NMT1: variants seen among roughly 807,000 people sequenced by gnomAD.
NMT1 encodes the protein glycylpeptide N-tetradecanoyltransferase 1.
A neutral mutation model predicts 63.4 loss-of-function variants in NMT1; 12 were observed. The ratio of observed to expected loss-of-function variants is 0.19; its 90% CI spans 0.12 to 0.31. The LOEUF is 0.31. Ranked by LOEUF, NMT1 falls within the 10% of genes least tolerant of loss-of-function variation. NMT1 has a pLI of 1.00. For synonymous variants in NMT1, 228 were observed against 234.3 expected (o/e 0.97, Z 0.25); for missense variants, 432 against 634.6 (o/e 0.68, Z 3.43).
At chr17:45,072,461 C>T (rs1380056746) in intron 1 of NMT1, among the ~76,000 whole-genome samples, 6 of 151,210 alleles carry the variant, frequency 4.0e-5, no homozygotes, top group Non-Finnish European at 7.4e-5. Context: ...GATGGGGTTT[C>T]GCCATGTTGG....
At chr17:45,081,577 C>T in intron 1 of NMT1, 67 bp from the exon 2 acceptor site, 1 of 1,390,094 alleles carries the variant, frequency 7.2e-7, no homozygotes, top group Non-Finnish European at 1.0e-6. Context: ...ACAGAAAGCT[C>T]TTTGTCAGGG....
intron 4 of NMT1, among the ~76,000 whole-genome samples, chr17:45,094,480 G>A (rs535229412): frequency 4.0e-5 from 6 of 148,788 alleles, no homozygotes; most frequent in East Asian, 2.0e-4. Context: ...GTGACAGTGC[G>A]AGACTCTTTG....
intron 3 of NMT1, among the ~76,000 whole-genome samples, chr17:45,092,576 G>T (rs973584311): frequency 3.3e-5 from 5 of 151,742 alleles, no homozygotes; most frequent in African/African-American, 1.2e-4. Context: ...CCAGCGTGGT[G>T]GCGGACACCT....
chr17:45,097,363 G>A, intron 6 of NMT1, 119 bp downstream of exon 6: 1 of 813,596 alleles, frequency 1.2e-6, no homozygotes, highest in Non-Finnish European at 2.1e-6. Flanking sequence ...TCTCAGGAAG[G>A]GAGGATGCCC....
chr17:45,061,562 GT>G, intron 1 of NMT1, 102 bp downstream of exon 1: 11 of 995,254 alleles, frequency 1.1e-5, no homozygotes, highest in Non-Finnish European at 1.6e-5. Flanking sequence ...CCACCCTCAT[GT>G]TCTTATTGGC....
chr17:45,066,690 A>T (rs2053905114), intron 1 of NMT1, among the ~76,000 whole-genome samples: 1 of 152,076 alleles, frequency 6.6e-6, no homozygotes, highest in African/African-American at 2.4e-5. Context: ...TTTTCTATTT[A>T]AAAATTTTTT....
intron 1 of NMT1, among the ~76,000 whole-genome samples, chr17:45,080,201 C>G (rs2054006910): frequency 6.6e-6 from 1 of 150,970 alleles, no homozygotes; most frequent in African/African-American, 2.4e-5. Context: ...GCTCTTGTTT[C>G]CCAGGCTGGA....
chr17:45,080,624 G>A (rs1207415286), intron 1 of NMT1, among the ~76,000 whole-genome samples: 46 of 146,078 alleles, frequency 3.1e-4, no homozygotes, highest in African/African-American at 1.1e-3. Context: ...GCCCGCCACC[G>A]TGCCCGGCTA....
chr17:45,066,953 C>A (rs555018864), intron 1 of NMT1, among the ~76,000 whole-genome samples: 5 of 152,142 alleles, frequency 3.3e-5, no homozygotes, highest in African/African-American at 9.7e-5. Flanking sequence ...CTGCTGGCCT[C>A]AAGTGATGCT....
chr17:45,085,347 G>T (rs543999493), intron 2 of NMT1, among the ~76,000 whole-genome samples: 31 of 152,316 alleles, frequency 2.0e-4, no homozygotes, highest in African/African-American at 5.3e-4. Context: ...ATATACTGTG[G>T]TCCATACATA....
At position 45,105,491 on chromosome 17, in the gene NMT1, T is replaced by C; in HGVS notation, c.1471-128T>C. The C allele has an allele frequency of 1.0e-6, 1 of 979,362 alleles. No homozygotes were observed. The highest frequency in any genetic ancestry group is 1.6e-6 in the Non-Finnish European group (1 of 621,628). 60.7% of individuals were successfully genotyped at this position (979,362 alleles called of 1,614,324 possible). ...GGTTGAGTGTGGGGCCGGCTGGGTG[T>C]GAGTCTGCTCCCACAGCACAGGCGG... is the stretch of plus-strand genomic sequence containing the variant. On this transcript the variant is annotated intron_variant, in intron 11 of 11. Transcript: ENST00000258960. The surrounding 1 kb of genome is among the most constrained non-coding windows in gnomAD (Gnocchi z 4.2).
chr17:45,081,840 A>G, intron 2 of NMT1, 88 bp downstream of exon 2: 1 of 968,144 alleles, frequency 1.0e-6, no homozygotes, highest in Non-Finnish European at 1.5e-6. Flanking sequence ...ACTTGGATTG[A>G]CGTTCTCCAC....
intron 2 of NMT1, among the ~76,000 whole-genome samples, chr17:45,085,292 A>G (rs531773594): frequency 7.9e-5 from 12 of 152,280 alleles, no homozygotes; most frequent in African/African-American, 1.9e-4. Flanking sequence ...TTGTATTACT[A>G]AAGAACAAAA....
At chr17:45,076,690 C>T (rs1003719552) in intron 1 of NMT1, among the ~76,000 whole-genome samples, 6 of 150,982 alleles carry the variant, frequency 4.0e-5, no homozygotes, top group African/African-American at 1.5e-4. Context: ...GCGGAGGCTG[C>T]AGTGAGCTGA....
At chr17:45,070,706 C>A (rs562715899) in intron 1 of NMT1, among the ~76,000 whole-genome samples, 78 of 152,284 alleles carry the variant, frequency 5.1e-4, no homozygotes, top group African/African-American at 1.8e-3. Flanking sequence ...CGTGAGCCAC[C>A]GCGCCTGGCC....
chr17:45,091,388 T>G (rs76642250), intron 3 of NMT1, among the ~76,000 whole-genome samples: 2,116 of 152,282 alleles, frequency 0.014, 61 homozygotes, highest in African/African-American at 0.048. Flanking sequence ...CATTCTAGGA[T>G]TCAGTGAACA....
intron 6 of NMT1, among the ~76,000 whole-genome samples, chr17:45,097,934 C>T (rs1213775402): frequency 6.6e-6 from 1 of 152,188 alleles, no homozygotes; most frequent in Non-Finnish European, 1.5e-5. Flanking sequence ...GATCTCTGCT[C>T]TTCATTTTCC....
At chr17:45,097,461 G>T (rs1184455681) in intron 6 of NMT1, among the ~76,000 whole-genome samples, 1 of 152,080 alleles carries the variant, frequency 6.6e-6, no homozygotes, top group East Asian at 1.9e-4. Context: ...CAGGTTGGAA[G>T]GAGCCCACCC....
intron 1 of NMT1, among the ~76,000 whole-genome samples, chr17:45,069,153 G>A (rs184637639): frequency 9.3e-4 from 140 of 151,230 alleles, no homozygotes; most frequent in African/African-American, 3.3e-3. Context: ...TAGAGACGGG[G>A]TTTCACCATC....
Sources: allele counts gnomAD v4.1 joint callset (sites outside exome capture counted in the v4.1 genomes callset), GRCh38; gene constraint gnomAD v4.1.1; non-coding constraint Gnocchi (gnomAD v3.1); transcripts MANE v1.5; gene names NCBI Gene and HGNC (gene_info 2026-07-23, HGNC 2026-07-21).